Variants in SRRT observed in about 807,000 individuals in gnomAD.
SRRT encodes the protein serrate, RNA effector molecule.
In SRRT, 32 loss-of-function variants were observed where a neutral mutation model predicts 103.2. The ratio of observed to expected loss-of-function variants is 0.31; its 90% CI spans 0.23 to 0.42. The LOEUF (loss-of-function observed/expected upper bound fraction) is 0.42, where lower values mean the gene tolerates loss of function less well. Ranked by LOEUF, SRRT falls within the 10% of genes least tolerant of loss-of-function variation. SRRT has a pLI of 1.00. For synonymous variants in SRRT, 525 were observed against 449.0 expected (o/e 1.17, Z -2.14); for missense variants, 986 against 1,207.5 (o/e 0.82, Z 2.72).
chr7:100,882,274 T>C lies in SRRT; in HGVS notation c.587+33T>C. On this transcript the variant is annotated intron_variant, in intron 5 of 19. Coordinates refer to ENST00000611405, the MANE Select transcript of SRRT (RefSeq NM_015908.6). The surrounding 1 kb of genome is among the most constrained non-coding windows in gnomAD (Gnocchi z 4.2). ...CCCCTACTTCCCTGGACCTCTGCCCTGGCATGTCCCCCTGGCCCCGCTGGT... is the reference window on the plus strand; with the variant it reads ...CCCCTACTTCCCTGGACCTCTGCCCCGGCATGTCCCCCTGGCCCCGCTGGT... 2 of 1,604,482 alleles carry C rather than the reference T, an allele frequency of 1.2e-6. No individual in the cohort carries two copies. The highest frequency in any genetic ancestry group is 1.7e-6 in the Non-Finnish European group (2 of 1,173,952).
In SRRT at chr7:100,885,819, C is replaced by T; in HGVS notation, c.1380-44C>T. On this transcript the variant is annotated intron_variant, in intron 11 of 19. Transcript: ENST00000611405. The surrounding 1 kb of genome is among the most constrained non-coding windows in gnomAD (Gnocchi z 4.8). ...GCAGGGGAACGTTAATGGCCAACAC[C>T]AACTCCCTCGCTTGACTATGCTAAC... is the stretch of plus-strand genomic sequence containing the variant. 1 of 1,613,496 alleles carries T rather than the reference C, an allele frequency of 6.2e-7. No homozygotes were observed. The highest frequency in any genetic ancestry group is 8.5e-7 in the Non-Finnish European group (1 of 1,179,416).
At chr7:100,881,593 T>G in intron 3 of SRRT, 66 bp from the exon 4 acceptor site, 1 of 1,605,650 alleles carries the variant, frequency 6.2e-7, no homozygotes, top group Non-Finnish European at 8.5e-7. Flanking sequence ...CCCCCGTCTG[T>G]CCATCCTCCA....
chr7:100,875,736 T>C, intron 2 of SRRT, 24 bp downstream of exon 2: 1 of 1,612,312 alleles, frequency 6.2e-7, no homozygotes, highest in Non-Finnish European at 8.5e-7. Flanking sequence ...AACTTCATCT[T>C]GTCCCCGTTT....
In SRRT at chr7:100,887,056, A is replaced by G. The variant is rs772563268; in HGVS notation, c.1831A>G (p.Lys611Glu). 1 of 1,614,192 alleles carries G rather than the reference A, an allele frequency of 6.2e-7. No homozygotes were observed. The highest frequency in any genetic ancestry group is 8.5e-7 in the Non-Finnish European group (1 of 1,180,022). Residue 611 changes from lysine to glutamate, a missense_variant, in exon 15 of 20, where the codon AAG becomes GAG. Transcript: ENST00000611405. The surrounding 1 kb of genome is among the most constrained non-coding windows in gnomAD (Gnocchi z 4.1). ...CATTCACTTCCCTTAGGTCTTGGAC[A>G]AGCTCCTCCTTTACCTGCGCATCGT... ...RDEKLIKVLD[K>E]LLLYLRIVHS...
In SRRT at chr7:100,882,938, C is replaced by T. The variant is rs891178456; in HGVS notation, c.587+697C>T. On this transcript the variant is annotated intron_variant, in intron 5 of 19. Transcript: ENST00000611405. The surrounding 1 kb of genome is among the most constrained non-coding windows in gnomAD (Gnocchi z 4.2). ...GCAGCGGTTTAGCTGAATGTGATTG[C>T]TCAGGCAGCTAGCCAGTCAGGCCCC... 2 of 152,400 alleles carry T rather than the reference C, an allele frequency of 1.3e-5. No individual in the cohort carries two copies. Among genetic ancestry groups the T allele is most frequent in the African/African-American group, 4.8e-5 (2 of 41,460 alleles). The allele number at this position is 152,400 out of a possible 1,614,324, so 9.4% of individuals were successfully genotyped here.
chr7:100,879,558 T>A (rs563309331), intron 2 of SRRT, among the ~76,000 whole-genome samples: 1 of 152,222 alleles, frequency 6.6e-6, no homozygotes, highest in African/African-American at 2.4e-5. Context: ...CATAAAAACA[T>A]GTAATGTGTT....
rs777214532 is a variant in SRRT at position 100,887,077 on chromosome 7, A to C, written c.1852A>C (p.Ile618Leu). 1.9e-6 allele frequency: 3 copies of C among 1,614,200 alleles called. No individual in the cohort carries two copies. Among genetic ancestry groups the C allele is most frequent in the Non-Finnish European group, 2.5e-6 (3 of 1,180,040 alleles). Residue 618 changes from isoleucine to leucine, a missense_variant, in exon 15 of 20, where the codon ATC becomes CTC. Physicochemically the swap from Ile to Leu is conservative, Grantham distance 5. Transcript: ENST00000611405. The surrounding 1 kb of genome is among the most constrained non-coding windows in gnomAD (Gnocchi z 4.1). ...VLDKLLLYLR[I>L]VHSLDYYNTC... Reference sequence around the variant, plus strand: ...GGACAAGCTCCTCCTTTACCTGCGCATCGTGCATTCCTTGGATTATTACAA... The same window carrying C: ...GGACAAGCTCCTCCTTTACCTGCGCCTCGTGCATTCCTTGGATTATTACAA...
Position 100,885,104 on chromosome 7 carries a change from C to T in SRRT, c.1159+64C>T, listed in dbSNP as rs756425272. On this transcript the variant is annotated intron_variant, in intron 9 of 19. Transcript: ENST00000611405. This position sits in a 1 kb window ranked among gnomAD's most constrained non-coding sequence, Gnocchi z 4.8. ...TGCGGGTGGGGAGGTGAGAGGTTGG[C>T]GACATTGACGGGAGGGTGGGTGGCT... 2.3e-4 allele frequency: 371 copies of T among 1,604,576 alleles called. No homozygotes were observed. The Middle Eastern group carries it at 2.3e-3, about 10-fold the overall frequency.
Position 100,887,515 on chromosome 7 carries a change from T to G in SRRT, c.2169+2T>G. 6.2e-7 allele frequency: 1 copy of G among 1,613,088 alleles called. No homozygotes were observed. Among genetic ancestry groups the G allele is most frequent in the Non-Finnish European group, 8.5e-7 (1 of 1,179,506 alleles). On this transcript the variant is annotated splice_donor_variant, in intron 16 of 19. Transcript: ENST00000611405. LOFTEE classifies it high-confidence loss of function. This position sits in a 1 kb window ranked among gnomAD's most constrained non-coding sequence, Gnocchi z 4.1. Reference sequence around the variant, plus strand: ...CCTCTCAGTGGCAAGAAATTCAAGGTGTGGGATGTTGGAGAATGGCCGTGC... The same window carrying G: ...CCTCTCAGTGGCAAGAAATTCAAGGGGTGGGATGTTGGAGAATGGCCGTGC...
rs1790299494 is a variant in SRRT at position 100,887,900 on chromosome 7, T to C, written c.2326+41T>C. 1 of 1,580,164 alleles carries C rather than the reference T, an allele frequency of 6.3e-7. No homozygotes were observed. The highest frequency in any genetic ancestry group is 8.6e-7 in the Non-Finnish European group (1 of 1,157,636). ...TGAAGGTCGCATGTGCCCTCTTCCT[T>C]GACTACCCAGGGACTCCTGTTTCTC... On this transcript the variant is annotated intron_variant, in intron 17 of 19. Transcript: ENST00000611405. The surrounding 1 kb of genome is among the most constrained non-coding windows in gnomAD (Gnocchi z 4.1).
intron 3 of SRRT, 86 bp downstream of exon 3, chr7:100,881,499 T>G (rs1325194097): frequency 2.5e-6 from 4 of 1,570,462 alleles, no homozygotes; most frequent in Non-Finnish European, 3.5e-6. Context: ...GCCTAAATCT[T>G]TGTCATTTCC....
At chr7:100,888,236 C>CT (rs757008633) in intron 18 of SRRT, 21 bp from the exon 19 acceptor site, 1 of 1,603,140 alleles carries the variant, frequency 6.2e-7, no homozygotes, top group African/African-American at 1.3e-5. Flanking sequence ...TTTTGCAACT[C>CT]AACACTGATC....
intron 2 of SRRT, 135 bp from the exon 3 acceptor site, chr7:100,881,150 G>GT: frequency 1.2e-6 from 1 of 810,780 alleles, no homozygotes; most frequent in Non-Finnish European, 1.9e-6. Flanking sequence ...GGCGGGGGGG[G>GT]GTCTCACTAT....
rs757366590 is a variant in SRRT, at chr7:100,885,244, GGAA to G, written c.1198_1200del (p.Glu400del). On this transcript the variant is annotated inframe_deletion, in exon 10 of 20. Transcript: ENST00000611405. The surrounding 1 kb of genome is among the most constrained non-coding windows in gnomAD (Gnocchi z 4.8). ...CGCTCAAGGAGAAGGAGAAGCCCAA[GGAA>G]GAAGAATGGGAGAAGCCCAAGGACG... 9 of 1,614,000 alleles carry G rather than the reference GGAA, an allele frequency of 5.6e-6. No individual in the cohort carries two copies. The highest frequency in any genetic ancestry group is 4.5e-5 in the East Asian group (2 of 44,890).
At position 100,887,688 on chromosome 7, in the gene SRRT, CCT is replaced by C; in HGVS notation, c.2170-9_2170-8del. ...CTTATGTGGCTGTCCTGACCCCTCT[CCT>C]CTCTCCACCCAGGGTCCTGAGTTTG... On this transcript the variant is annotated splice_polypyrimidine_tract_variant and intron_variant, in intron 16 of 19. Transcript: ENST00000611405. This position sits in a 1 kb window ranked among gnomAD's most constrained non-coding sequence, Gnocchi z 4.1. 2 of 1,601,548 alleles carry C rather than the reference CCT, an allele frequency of 1.2e-6. No individual in the cohort carries two copies. Among genetic ancestry groups the C allele is most frequent in the South Asian group, 1.1e-5 (1 of 90,730 alleles).
chr7:100,887,354 C>T lies in SRRT; in HGVS notation c.2010C>T (p.Leu670=). Residue 670 remains leucine (L), a synonymous_variant, in exon 16 of 20, where the codon CTC becomes CTT. Transcript: ENST00000611405. The surrounding 1 kb of genome is among the most constrained non-coding windows in gnomAD (Gnocchi z 4.1). The stretch of plus-strand genomic sequence containing the variant: ...GGCAGAAGACTTTTGAGGAGAAGCT[C>T]ACGCCGTTGCTGAGTGTGCGGGAGT... ...LEWQKTFEEK[L]TPLLSVRESL... is the part of the protein sequence containing the mutation. 4 of 1,614,146 alleles carry T rather than the reference C, an allele frequency of 2.5e-6. No individual in the cohort carries two copies. The highest frequency in any genetic ancestry group is 3.4e-6 in the Non-Finnish European group (4 of 1,180,028).
At chr7:100,884,704 A>C (rs1443758544) in intron 7 of SRRT, 36 bp from the exon 8 acceptor site, 1 of 1,600,268 alleles carries the variant, frequency 6.2e-7, no homozygotes, top group African/African-American at 1.3e-5. Flanking sequence ...GTGGGAGGGG[A>C]GGTTTGACAT....
chr7:100,881,996 C>T (rs764274272), intron 4 of SRRT, 57 bp from the exon 5 acceptor site: 144 of 1,567,600 alleles, frequency 9.2e-5, no homozygotes, highest in Non-Finnish European at 1.1e-4. Flanking sequence ...ACTTTGGCCC[C>T]TGTAGCCTCC....
Position 100,882,092 on chromosome 7 carries a change from G to T in SRRT, c.438G>T (p.Pro146=). 6.2e-7 allele frequency: 1 copy of T among 1,614,036 alleles called. No homozygotes were observed. Among genetic ancestry groups the T allele is most frequent in the Non-Finnish European group, 8.5e-7 (1 of 1,179,984 alleles). ...SIAEIDLGVP[P]PVMKTFKEFL... ...CAGAGATTGACCTGGGTGTGCCGCC[G>T]CCCGTGATGAAGACCTTCAAGGAGT... is the stretch of plus-strand genomic sequence containing the variant. Residue 146 remains proline (P), a synonymous_variant, in exon 5 of 20, where the codon CCG becomes CCT. Coordinates refer to ENST00000611405, the MANE Select transcript of SRRT (RefSeq NM_015908.6). The surrounding 1 kb of genome is among the most constrained non-coding windows in gnomAD (Gnocchi z 4.2).
Sources: gnomAD v4.1 joint callset for allele counts (sites outside exome capture counted in the v4.1 genomes callset) on GRCh38, gnomAD v4.1.1 for gene constraint, Gnocchi (gnomAD v3.1) non-coding constraint, MANE v1.5 for transcripts, NCBI Gene and HGNC (gene_info 2026-07-23, HGNC 2026-07-21) for gene names.